The following RIMS2 variants were observed in gnomAD, a reference collection of about 807,000 sequenced individuals.
RIMS2 encodes regulating synaptic membrane exocytosis 2, also known as regulating synaptic membrane exocytosis protein 2.
A neutral mutation model predicts 174.4 loss-of-function variants in RIMS2; 59 were observed. The ratio of observed to expected loss-of-function variants is 0.34; its 90% CI spans 0.27 to 0.42. The LOEUF (loss-of-function observed/expected upper bound fraction) is 0.42. Ranked by LOEUF, RIMS2 falls within the 10% of genes least tolerant of loss-of-function variation. The pLI, the probability that RIMS2 is intolerant of heterozygous loss-of-function variation, is 1.00. For missense variants in RIMS2, 1,620 were observed against 1,666.3 expected (o/e 0.97, Z 0.48); for synonymous variants, 606 against 572.5 (o/e 1.06, Z -0.84).
intron 3 of RIMS2, among the ~76,000 whole-genome samples, chr8:103,839,277 C>T (rs1283406342): frequency 6.6e-6 from 1 of 152,048 alleles, no homozygotes; most frequent in Non-Finnish European, 1.5e-5. Context: ...TCTTTGGATG[C>T]CTTGTAACAT....
At chr8:103,922,951 G>T (rs2078003630) in intron 10 of RIMS2, among the ~76,000 whole-genome samples, 1 of 151,834 alleles carries the variant, frequency 6.6e-6, no homozygotes, top group African/African-American at 2.4e-5. Flanking sequence ...GCTATTAGGA[G>T]ATTGTAAATG....
chr8:103,632,990 C>T (rs896027716), intron 1 of RIMS2, among the ~76,000 whole-genome samples: 10 of 151,246 alleles, frequency 6.6e-5, no homozygotes, highest in South Asian at 6.3e-4. Flanking sequence ...ACCTTGGCCT[C>T]CCAAAGTGCT....
intron 19 of RIMS2, among the ~76,000 whole-genome samples, chr8:104,143,894 C>G (rs570631963): frequency 6.6e-6 from 1 of 152,300 alleles, no homozygotes; most frequent in South Asian, 2.1e-4. Context: ...TTTGGCATGA[C>G]TTTACATTCT....
At chr8:103,877,676 C>T (rs2099147859) in intron 3 of RIMS2, among the ~76,000 whole-genome samples, 1 of 151,482 alleles carries the variant, frequency 6.6e-6, no homozygotes, top group Non-Finnish European at 1.5e-5. Context: ...ATGACTCCAG[C>T]TTTGTTCATT....
chr8:103,703,416 A>G (rs1316385118), intron 2 of RIMS2, among the ~76,000 whole-genome samples: 4 of 151,658 alleles, frequency 2.6e-5, no homozygotes, highest in South Asian at 2.1e-4. Context: ...TTTTGTATTC[A>G]TAGTAGAGAC....
chr8:103,607,693 C>T (rs201260447), intron 1 of RIMS2, among the ~76,000 whole-genome samples: 4 of 136,956 alleles, frequency 2.9e-5, no homozygotes, highest in Admixed American at 7.2e-5. Context: ...GGAGGCTTTG[C>T]TCATTTCTTT....
chr8:104,202,906 T>A (rs1416162045), intron 19 of RIMS2, among the ~76,000 whole-genome samples: 3 of 152,200 alleles, frequency 2.0e-5, no homozygotes, highest in African/African-American at 7.2e-5. Flanking sequence ...AAGTATGGAA[T>A]AAAATGTAAA....
chr8:103,643,229 A>G (rs373984128), intron 1 of RIMS2, among the ~76,000 whole-genome samples: 1 of 151,718 alleles, frequency 6.6e-6, no homozygotes, highest in Non-Finnish European at 1.5e-5. Context: ...TTTCTTTTAT[A>G]TTATTTTTTA....
intron 19 of RIMS2, among the ~76,000 whole-genome samples, chr8:104,152,711 A>T (rs1458628538): frequency 2.0e-5 from 3 of 152,044 alleles, no homozygotes; most frequent in Non-Finnish European, 4.4e-5. Flanking sequence ...TTCAGACATA[A>T]ATATATAAGA....
At chr8:103,644,812 T>G (rs558051359) in intron 1 of RIMS2, among the ~76,000 whole-genome samples, 318 of 151,960 alleles carry the variant, frequency 2.1e-3, no homozygotes, top group Non-Finnish European at 3.8e-3. Context: ...TTTAGATTTT[T>G]ATGCCTATGT....
rs1426391282 is a variant in RIMS2, at chr8:103,849,982, T to C, written c.699-35316T>C. Among the ~76,000 whole-genome samples, 4 of 152,156 alleles carry C rather than the reference T, an allele frequency of 2.6e-5. No individual in the cohort carries two copies. The East Asian group carries it at 7.7e-4, about 29-fold the overall frequency. The stretch of plus-strand genomic sequence containing the variant: ...AAAAGAAAAATGGTCCTAATATAGC[T>C]GTTTACACGTAACTTTGTTAAAGAG... On this transcript the variant is annotated intron_variant, in intron 3 of 23. Transcript: ENST00000504942.
chr8:103,524,243 A>G (rs918028162), intron 1 of RIMS2, among the ~76,000 whole-genome samples: 1 of 101,086 alleles, frequency 9.9e-6, no homozygotes, highest in African/African-American at 2.8e-5. Context: ...AGTTGAAGAG[A>G]GAGTATAGAG....
intron 3 of RIMS2, among the ~76,000 whole-genome samples, chr8:103,825,425 A>C (rs1593215893): frequency 6.7e-6 from 1 of 148,974 alleles, no homozygotes; most frequent in East Asian, 2.0e-4. Context: ...GACCACAGGC[A>C]TGTGCCACAA....
chr8:103,787,734 C>A (rs1472134908), intron 3 of RIMS2, among the ~76,000 whole-genome samples: 2 of 152,200 alleles, frequency 1.3e-5, no homozygotes, highest in East Asian at 3.8e-4. Flanking sequence ...TTTGGTGAAT[C>A]TGACAATTAT....
chr8:104,148,696 C>T (rs1230515994), intron 19 of RIMS2: 3 of 1,598,190 alleles, frequency 1.9e-6, no homozygotes, highest in Non-Finnish European at 2.5e-6. Flanking sequence ...GACATGTGCT[C>T]ACTGGAGAAG....
At chr8:103,816,399 A>G (rs1314924833) in intron 3 of RIMS2, among the ~76,000 whole-genome samples, 1 of 152,194 alleles carries the variant, frequency 6.6e-6, no homozygotes, top group Admixed American at 6.5e-5. Flanking sequence ...TGTTTAATGA[A>G]CCGCCTACCC....
chr8:103,752,816 G>A (rs2097912009), intron 2 of RIMS2, among the ~76,000 whole-genome samples: 2 of 152,142 alleles, frequency 1.3e-5, no homozygotes, highest in South Asian at 4.1e-4. Context: ...TTACTTATCA[G>A]CTTAAGGAGA....
At chr8:103,886,388 T>A (rs546738346) in intron 4 of RIMS2, among the ~76,000 whole-genome samples, 165 bp downstream of exon 7, 1 of 151,952 alleles carries the variant, frequency 6.6e-6, no homozygotes, top group Non-Finnish European at 1.5e-5. Context: ...ATAAAAAGTA[T>A]CTTCTGTTGT....
chr8:103,914,096 G>T (rs1006738649), intron 6 of RIMS2, among the ~76,000 whole-genome samples: 1 of 152,112 alleles, frequency 6.6e-6, no homozygotes, highest in African/African-American at 2.4e-5. Flanking sequence ...GACAATGGTG[G>T]GATTTAAATT....
Sources: allele counts gnomAD v4.1 joint callset (sites outside exome capture counted in the v4.1 genomes callset), GRCh38; gene constraint gnomAD v4.1.1; transcripts MANE v1.5; gene names NCBI Gene and HGNC (gene_info 2026-07-23, HGNC 2026-07-21).